Variants in SNTB2 observed in about 807,000 individuals in gnomAD.
SNTB2 encodes the protein beta-2-syntrophin.
Under a neutral mutation model 46.2 loss-of-function variants are expected in SNTB2, and 34 were observed. The observed-to-expected ratio is 0.74, with a 90% confidence interval of 0.56 to 0.98. The LOEUF (loss-of-function observed/expected upper bound fraction) is 0.98. Ranked by LOEUF, SNTB2 falls within the 50% of genes least tolerant of loss-of-function variation. The pLI is 0.00. For synonymous variants in SNTB2, 290 were observed against 312.6 expected (o/e 0.93, Z 0.76); for missense variants, 603 against 731.4 (o/e 0.82, Z 2.02).
At chr16:69,251,422 G>A (rs2143060937) in intron 2 of SNTB2, among the ~76,000 whole-genome samples, 1 of 148,664 alleles carries the variant, frequency 6.7e-6, no homozygotes, top group African/African-American at 2.5e-5. Flanking sequence ...ATTTCTGTTG[G>A]GTAAATTTGT....
At chr16:69,228,433 G>A (rs1004537848) in intron 1 of SNTB2, among the ~76,000 whole-genome samples, 4 of 149,558 alleles carry the variant, frequency 2.7e-5, no homozygotes, top group African/African-American at 9.9e-5. Flanking sequence ...TTGAACCTGG[G>A]AGGCAGAGGT....
intron 1 of SNTB2, among the ~76,000 whole-genome samples, chr16:69,206,169 A>G (rs1042735613): frequency 1.3e-5 from 2 of 152,066 alleles, no homozygotes; most frequent in Non-Finnish European, 2.9e-5. Context: ...TAATTAAAAA[A>G]AGTTTTTTTA....
At chr16:69,194,476 G>A (rs1217450914) in intron 1 of SNTB2, among the ~76,000 whole-genome samples, 1 of 152,092 alleles carries the variant, frequency 6.6e-6, no homozygotes, top group East Asian at 1.9e-4. Context: ...TTGCCGGCTG[G>A]TATAGTATAG....
intron 1 of SNTB2, among the ~76,000 whole-genome samples, chr16:69,239,177 TG>T (rs1456965636): frequency 6.6e-6 from 1 of 152,182 alleles, no homozygotes; most frequent in African/African-American, 2.4e-5. Flanking sequence ...CTAAAGTCTT[TG>T]TTCAAACATC....
Position 69,187,633 on chromosome 16 carries a change from C to G in SNTB2, c.467C>G (p.Ala156Gly), listed in dbSNP as rs1377404063. 1 of 1,554,594 alleles carries G rather than the reference C, an allele frequency of 6.4e-7. No individual in the cohort carries two copies. Among genetic ancestry groups the G allele is most frequent in the East Asian group, 2.6e-5 (1 of 39,022 alleles). ...GGGCTGGCTGCCGACCAGAGCCGGG[C>G]GCTGCGGCTGGGCGACGCCATCCTG... Reference protein sequence around the residue: ...FPGLAADQSRALRLGDAILSV... With the variant: ...FPGLAADQSRGLRLGDAILSV... Residue 156 changes from alanine to glycine, a missense_variant, in exon 1 of 7, where the codon GCG becomes GGG. By Grantham distance (60) the Ala-to-Gly change is moderately conservative (BLOSUM62 0). Around this residue, in one of 2 missense-constraint regions of SNTB2, gnomAD observed 537 missense variants for 692.4 expected, o/e 0.78. Coordinates refer to ENST00000336278, the MANE Select transcript of SNTB2 (RefSeq NM_006750.4).
chr16:69,239,161 C>T (rs1249129402), intron 1 of SNTB2, among the ~76,000 whole-genome samples: 2 of 152,112 alleles, frequency 1.3e-5, no homozygotes, highest in East Asian at 1.9e-4. Context: ...CCAACTCCCC[C>T]ATCTCCTAAA....
At chr16:69,270,420 A>T (rs1964926931) in intron 4 of SNTB2, 135 bp downstream of exon 4, 8 of 1,107,428 alleles carry the variant, frequency 7.2e-6, no homozygotes, top group South Asian at 1.7e-5. Flanking sequence ...GCAGACAAAA[A>T]TTTTTTGTTT....
intron 3 of SNTB2, 90 bp downstream of exon 3, chr16:69,260,350 C>A: frequency 8.7e-7 from 1 of 1,152,832 alleles, no homozygotes; most frequent in Non-Finnish European, 1.3e-6. Flanking sequence ...ACTTACCATG[C>A]AGTTAGGACC....
At chr16:69,254,488 C>G (rs1011840500) in intron 2 of SNTB2, among the ~76,000 whole-genome samples, 8 of 152,154 alleles carry the variant, frequency 5.3e-5, no homozygotes, top group African/African-American at 1.9e-4. Context: ...TTTAAAAAAT[C>G]CCCTTTAAGT....
intron 2 of SNTB2, among the ~76,000 whole-genome samples, chr16:69,251,536 T>TG (rs1307992810): frequency 1.3e-5 from 2 of 149,420 alleles, no homozygotes; most frequent in Non-Finnish European, 3.0e-5. Flanking sequence ...CCCAGCACTT[T>TG]GGGAGGCCGA....
Position 69,270,271 on chromosome 16 carries a change from A to G in SNTB2, c.1134A>G (p.Pro378=). The part of the protein sequence containing the change: ...DAWASPCHSY[P]LVATRLVHSG... ...GGGCGTCACCATGCCACAGCTACCC[A>G]CTTGTTGCCACCAGGTAAGTAAGAC... The change falls in exon 4 of 7, where the codon CCA becomes CCG. Residue 378 remains proline (P), a synonymous_variant. Transcript: ENST00000336278. 2 of 1,614,148 alleles carry G rather than the reference A, an allele frequency of 1.2e-6. No homozygotes were observed. The highest frequency in any genetic ancestry group is 1.7e-6 in the Non-Finnish European group (2 of 1,180,012).
chr16:69,223,608 T>C (rs1322062242), intron 1 of SNTB2, among the ~76,000 whole-genome samples: 1 of 152,118 alleles, frequency 6.6e-6, no homozygotes, highest in African/African-American at 2.4e-5. Context: ...TCATGTTTCC[T>C]TTGTTTCCTC....
chr16:69,212,212 A>G (rs1306069384), intron 1 of SNTB2, among the ~76,000 whole-genome samples: 1 of 152,084 alleles, frequency 6.6e-6, no homozygotes, highest in Non-Finnish European at 1.5e-5. Flanking sequence ...TTTCTAGGTT[A>G]TCTGCCTGGG....
intron 1 of SNTB2, chr16:69,235,606 A>G (rs1964551638): frequency 1.8e-6 from 2 of 1,095,498 alleles, no homozygotes; most frequent in African/African-American, 1.7e-5. Context: ...ACTAAAAGGA[A>G]GGGAAAGGAA....
intron 3 of SNTB2, among the ~76,000 whole-genome samples, chr16:69,263,120 T>C (rs985516130): frequency 2.0e-5 from 3 of 151,876 alleles, no homozygotes; most frequent in Non-Finnish European, 2.9e-5. Context: ...TTTTTTTTTT[T>C]TTTTGAGACA....
intron 1 of SNTB2, among the ~76,000 whole-genome samples, chr16:69,222,668 A>C (rs1242865295): frequency 6.6e-6 from 1 of 152,190 alleles, no homozygotes; most frequent in Non-Finnish European, 1.5e-5. Context: ...ATAGCTATTA[A>C]AATGCCTAGA....
intron 1 of SNTB2, among the ~76,000 whole-genome samples, chr16:69,237,027 G>A (rs897533786): frequency 6.6e-6 from 1 of 152,190 alleles, no homozygotes; most frequent in Non-Finnish European, 1.5e-5. Flanking sequence ...ACAGGAGCAG[G>A]GGATAAAGGA....
intron 1 of SNTB2, 44 bp downstream of exon 1, chr16:69,187,790 G>C (rs1964008759): frequency 1.5e-6 from 2 of 1,341,110 alleles, no homozygotes; most frequent in African/African-American, 1.6e-5. Context: ...GCGGCGGCCT[G>C]GGCTCGCGGG....
intron 3 of SNTB2, among the ~76,000 whole-genome samples, chr16:69,265,791 C>T (rs1359855997): frequency 1.4e-5 from 2 of 146,870 alleles, no homozygotes; most frequent in Non-Finnish European, 3.0e-5. Context: ...TGCACCATTG[C>T]ACTCCAGCCT....
Sources: gnomAD v4.1 joint callset for allele counts (sites outside exome capture counted in the v4.1 genomes callset) on GRCh38, gnomAD v4.1.1 for gene constraint, gnomAD v4.1.1 regional missense constraint, MANE v1.5 for transcripts, NCBI Gene and HGNC (gene_info 2026-07-23, HGNC 2026-07-21) for gene names.